Variants in COL17A1 observed in about 807,000 individuals in gnomAD.
The protein encoded by COL17A1 is collagen type XVII alpha 1 chain.
In COL17A1, 181 loss-of-function variants were observed where a neutral mutation model predicts 218.4. The ratio of observed to expected loss-of-function variants is 0.83; its 90% CI spans 0.73 to 0.94. The LOEUF (loss-of-function observed/expected upper bound fraction) is 0.94, where lower values mean the gene tolerates loss of function less well. Among genes scored for constraint, COL17A1 ranks in the 40% least tolerant of loss-of-function variants. COL17A1 has a pLI of 0.00. For synonymous variants in COL17A1, 721 were observed against 731.0 expected (o/e 0.99, Z 0.22); for missense variants, 1,924 against 1,945.9 (o/e 0.99, Z 0.21).
At position 104,039,591 on chromosome 10, in the gene COL17A1, C is replaced by A. The variant is rs762727963; in HGVS notation, c.2821+17G>T. The A allele has an allele frequency of 8.1e-6, 13 of 1,614,124 alleles. No individual in the cohort carries two copies. In the East Asian group the frequency reaches 2.9e-4, roughly 36 times the overall value. On this transcript the variant is annotated intron_variant, in intron 42 of 55. Transcript: ENST00000648076. ...GGCTCTGGCCAGAGCCAGAATGGGG[C>A]GGGGTTCAGCCCTTACCTGAGGTTG...
chr10:104,067,060 A>C (rs1050574710), intron 9 of COL17A1, among the ~76,000 whole-genome samples: 2 of 152,178 alleles, frequency 1.3e-5, no homozygotes, highest in African/African-American at 4.8e-5. Flanking sequence ...ATTGAGGAAG[A>C]GAGGGGAATA....
At position 104,035,630 on chromosome 10, in the gene COL17A1, C is replaced by T. The variant is rs1218912234; in HGVS notation, c.3419-67G>A. Reference sequence around the variant, plus strand: ...TGGAAACACCTGTCAGAGAGGAGGTCGGATACAGAAGAGGTTTGGACAGAA... The same window carrying T: ...TGGAAACACCTGTCAGAGAGGAGGTTGGATACAGAAGAGGTTTGGACAGAA... On this transcript the variant is annotated intron_variant, in intron 48 of 55. Transcript: ENST00000648076. 3 of 1,286,640 alleles carry T rather than the reference C, an allele frequency of 2.3e-6. No homozygotes were observed. In the African/African-American group the frequency reaches 4.4e-5, roughly 19 times the overall value. The allele number at this position is 1,286,640 out of a possible 1,614,324, so 79.7% of individuals were successfully genotyped here. A position where few individuals can be genotyped will look rare whatever the true frequency, so the allele number is the denominator to read the frequency against.
chr10:104,059,219 G>A (rs996421392), intron 15 of COL17A1: 6 of 250,488 alleles, frequency 2.4e-5, no homozygotes, highest in Non-Finnish European at 4.7e-5. Flanking sequence ...TGAAATCAGT[G>A]ATTTGGAGAG....
At chr10:104,079,725 A>G (rs2086747274) in intron 2 of COL17A1, among the ~76,000 whole-genome samples, 1 of 152,210 alleles carries the variant, frequency 6.6e-6, no homozygotes, top group African/African-American at 2.4e-5. Flanking sequence ...CAGGAGTTTG[A>G]GACCAGCCTG....
At chr10:104,064,388 G>A (rs2086608275) in intron 10 of COL17A1, 50 bp downstream of exon 10, 2 of 1,612,984 alleles carry the variant, frequency 1.2e-6, no homozygotes, top group Non-Finnish European at 1.7e-6. Context: ...CCAGGATAGA[G>A]GCATGCCGAG....
rs369035370 is a variant in COL17A1 at position 104,037,646 on chromosome 10, G to A, written c.3198C>T (p.Ser1066=). 5 of 1,614,208 alleles carry A rather than the reference G, an allele frequency of 3.1e-6. No homozygotes were observed. The highest frequency in any genetic ancestry group is 4.2e-6 in the Non-Finnish European group (5 of 1,180,038). ...TGGGGAAGGGCTTACTCCGTAAGTA[G>A]CTCACAACGTGGCTTGCCAGCTCTG... ...DYSELASHVV[S]YLRTSGYGVS... Residue 1066 remains serine, a synonymous_variant, in exon 46 of 56, where the codon AGC becomes AGT. Coordinates refer to ENST00000648076, the MANE Select transcript of COL17A1 (RefSeq NM_000494.4).
At chr10:104,039,375 T>C in intron 43 of COL17A1, 70 bp downstream of exon 43, 2 of 1,519,852 alleles carry the variant, frequency 1.3e-6, no homozygotes, top group Non-Finnish European at 1.8e-6. Context: ...TGCCATCTCT[T>C]CAGGCTCTGG....
In COL17A1 at chr10:104,041,516, G is replaced by A. The variant is rs1158760199; in HGVS notation, c.2574C>T (p.Pro858=). 3 of 1,613,396 alleles carry A rather than the reference G, an allele frequency of 1.9e-6. No homozygotes were observed. Among genetic ancestry groups the A allele is most frequent in the Non-Finnish European group, 2.5e-6 (3 of 1,179,462 alleles). ...GCCCGCGTGGGCCGGGTGGGCCTGGGGGACCTTGTAAATTAAGAACTTCTA... is the reference window on the plus strand; with the variant it reads ...GCCCGCGTGGGCCGGGTGGGCCTGGAGGACCTTGTAAATTAAGAACTTCTA... The part of the protein sequence containing the change: ...GHQEVLNLQG[P]PGPPGPRGPP... Residue 858 remains proline (P), a synonymous_variant, in exon 37 of 56, where the codon CCC becomes CCT. Coordinates refer to ENST00000648076, the MANE Select transcript of COL17A1 (RefSeq NM_000494.4).
intron 29 of COL17A1, 58 bp from the exon 30 acceptor site, chr10:104,048,162 C>G (rs773592292): frequency 3.2e-6 from 5 of 1,587,298 alleles, no homozygotes; most frequent in Non-Finnish European, 4.3e-6. Context: ...TGCGATTCCT[C>G]CCTCTACTGT....
rs759045307 is a variant in COL17A1 at position 104,041,286 on chromosome 10, G to A, written c.2647+17C>T. 3.2e-5 allele frequency: 52 copies of A among 1,604,452 alleles called. No homozygotes were observed. The highest frequency in any genetic ancestry group is 4.3e-5 in the Non-Finnish European group (51 of 1,175,574). On this transcript the variant is annotated intron_variant, in intron 38 of 55. Transcript: ENST00000648076. ...CACCTCCCCCTCCCACCTCCCAGTGGTAAGCTCGGCTCTCACCTGGTGGGC... is the reference window on the plus strand; with the variant it reads ...CACCTCCCCCTCCCACCTCCCAGTGATAAGCTCGGCTCTCACCTGGTGGGC...
chr10:104,085,147 G>A (rs968383542), intron 1 of COL17A1, among the ~76,000 whole-genome samples: 6 of 152,058 alleles, frequency 3.9e-5, no homozygotes, highest in Non-Finnish European at 8.8e-5. Flanking sequence ...GAATTAATCA[G>A]ATCATTTCAA....
chr10:104,078,919 C>T (rs1280295739), intron 2 of COL17A1, among the ~76,000 whole-genome samples: 2 of 152,168 alleles, frequency 1.3e-5, no homozygotes, highest in African/African-American at 2.4e-5. Context: ...GAAGGAGGAC[C>T]AGGCCCTCTT....
chr10:104,046,643 G>T, intron 32 of COL17A1, 104 bp downstream of exon 32: 4 of 1,097,644 alleles, frequency 3.6e-6, no homozygotes, highest in Non-Finnish European at 5.6e-6. Context: ...CCAGGGAGTT[G>T]GTGGAGGAGA....
chr10:104,053,017 G>T lies in COL17A1; in HGVS notation c.1939+14C>A. 3 of 1,613,768 alleles carry T rather than the reference G, an allele frequency of 1.9e-6. No individual in the cohort carries two copies. Among genetic ancestry groups the T allele is most frequent in the Non-Finnish European group, 2.5e-6 (3 of 1,179,744 alleles). Reference sequence around the variant, plus strand: ...GGCATAGCTAACTCTGCCGGTGAAGGAATTGCCTCTTACCTCTTTCCCCTT... The same window carrying T: ...GGCATAGCTAACTCTGCCGGTGAAGTAATTGCCTCTTACCTCTTTCCCCTT... On this transcript the variant is annotated intron_variant, in intron 23 of 55. Transcript: ENST00000648076.
At position 104,077,530 on chromosome 10, in the gene COL17A1, C is replaced by T. The variant is rs1411475037; in HGVS notation, c.98-4G>A. ...TAGCCATTGCTGGTCCCGCCTTCTG[C>T]CAGGAACAAAAGCAGGTGATAATTT... On this transcript the variant is annotated splice_polypyrimidine_tract_variant and splice_region_variant and intron_variant, in intron 3 of 55. Coordinates refer to ENST00000648076, the MANE Select transcript of COL17A1 (RefSeq NM_000494.4). 4 of 1,608,136 alleles carry T rather than the reference C, an allele frequency of 2.5e-6. No homozygotes were observed. The highest frequency in any genetic ancestry group is 3.4e-6 in the Non-Finnish European group (4 of 1,177,396).
rs756877119 is a variant in COL17A1, at chr10:104,052,181, C to T, written c.1976G>A (p.Gly659Asp). 6.2e-7 allele frequency: 1 copy of T among 1,614,162 alleles called. No individual in the cohort carries two copies. The highest frequency in any genetic ancestry group is 1.1e-5 in the South Asian group (1 of 91,086). The change falls in exon 24 of 56, where the codon GGT becomes GAT. Residue 659 changes from glycine (G) to aspartate (D), a missense_variant. Gly to Asp is a moderately conservative substitution (Grantham distance 94). Transcript: ENST00000648076. Reference sequence around the variant, plus strand: ...TTTGGGACCCACAGAACCTGGGACACCAGGTGGGCCATGAGGACCTGGTTC... The same window carrying T: ...TTTGGGACCCACAGAACCTGGGACATCAGGTGGGCCATGAGGACCTGGTTC... ...AGEPGPHGPPGVPGSVGPKGS... is the reference protein window; with the variant it reads ...AGEPGPHGPPDVPGSVGPKGS...
chr10:104,060,108 A>T lies in COL17A1; in HGVS notation c.1141+11T>A. The T allele has an allele frequency of 6.2e-7, 1 of 1,613,972 alleles. No individual in the cohort carries two copies. The highest frequency in any genetic ancestry group is 8.5e-7 in the Non-Finnish European group (1 of 1,180,020). On this transcript the variant is annotated intron_variant, in intron 14 of 55. Coordinates refer to ENST00000648076, the MANE Select transcript of COL17A1 (RefSeq NM_000494.4). Reference sequence around the variant, plus strand: ...TCTTCTGAAACCCAAGCCACACAGGATCTGACGCACTTGCAGCGATGCTGG... The same window carrying T: ...TCTTCTGAAACCCAAGCCACACAGGTTCTGACGCACTTGCAGCGATGCTGG...
At chr10:104,052,646 G>A (rs546163211) in intron 23 of COL17A1, among the ~76,000 whole-genome samples, 1 of 152,022 alleles carries the variant, frequency 6.6e-6, no homozygotes, top group South Asian at 2.1e-4. Flanking sequence ...CCTCCCTCTT[G>A]GCCTCCTTCC....
In COL17A1 at chr10:104,051,028, A is replaced by G. The variant is rs1054298526; in HGVS notation, c.2039-127T>C. 2.0e-6 allele frequency: 3 copies of G among 1,505,528 alleles called. No homozygotes were observed. In the African/African-American group the frequency reaches 4.1e-5, roughly 21 times the overall value. 93.3% of individuals were successfully genotyped at this position (1,505,528 alleles called of 1,614,324 possible). A position where few individuals can be genotyped will look rare whatever the true frequency, so the allele number is the denominator to read the frequency against. Reference sequence around the variant, plus strand: ...CACACCCTATAGTAAAAGTCAAAGGATGCTTTCCATGGACTCCTTCCCAAG... The same window carrying G: ...CACACCCTATAGTAAAAGTCAAAGGGTGCTTTCCATGGACTCCTTCCCAAG... On this transcript the variant is annotated intron_variant, in intron 25 of 55. Coordinates refer to ENST00000648076, the MANE Select transcript of COL17A1 (RefSeq NM_000494.4).
Sources: gnomAD v4.1 joint callset for allele counts (sites outside exome capture counted in the v4.1 genomes callset) on GRCh38, gnomAD v4.1.1 for gene constraint, MANE v1.5 for transcripts, NCBI Gene and HGNC (gene_info 2026-07-23, HGNC 2026-07-21) for gene names.